The following RAB11FIP4 variants were observed in gnomAD, a reference collection of about 807,000 sequenced individuals.
RAB11FIP4 encodes the protein RAB11 family interacting protein 4.
In RAB11FIP4, 23 loss-of-function variants were observed where a neutral mutation model predicts 74.3. That is an observed-to-expected ratio of 0.31 (90% confidence interval 0.22 to 0.44). The LOEUF is 0.44. Among genes scored for constraint, RAB11FIP4 ranks in the 20% least tolerant of loss-of-function variants. RAB11FIP4 has a pLI of 1.00. For synonymous variants in RAB11FIP4, 360 were observed against 359.9 expected (o/e 1.00, Z 0.00); for missense variants, 630 against 863.9 (o/e 0.73, Z 3.39).
intron 3 of RAB11FIP4, among the ~76,000 whole-genome samples, chr17:31,496,629 T>C (rs1011571702): frequency 1.3e-5 from 2 of 152,250 alleles, no homozygotes; most frequent in Non-Finnish European, 2.9e-5. Context: ...TTCTGTAAAG[T>C]CTTCCCACAT....
rs2072616921 is a variant in RAB11FIP4, at chr17:31,519,104, T to C, written c.563+1227T>C. 4.5e-5 allele frequency among the ~76,000 whole-genome samples: 6 copies of C among 133,888 alleles called. No individual in the cohort carries two copies. In the South Asian group the frequency reaches 1.0e-3, roughly 23 times the overall value. 87.8% of individuals were successfully genotyped at this position (133,888 alleles called of 152,430 possible). ...ATCTCAGCTCACTGCAACCTCCACC[T>C]CCCGGGTTCATGCCATTCTCCTGCC... On this transcript the variant is annotated intron_variant, in intron 4 of 14. Coordinates refer to ENST00000621161, the MANE Select transcript of RAB11FIP4 (RefSeq NM_032932.6).
chr17:31,475,461 T>C (rs1567668391), intron 3 of RAB11FIP4, among the ~76,000 whole-genome samples: 1 of 152,250 alleles, frequency 6.6e-6, no homozygotes, highest in Non-Finnish European at 1.5e-5. Context: ...GAGCTGTTGC[T>C]ACGCTTAAGC....
rs1361352512 is a variant in RAB11FIP4 at position 31,505,599 on chromosome 17, TATA to T, written c.337-12043_337-12041del. On this transcript the variant is annotated intron_variant, in intron 3 of 14. Transcript: ENST00000621161. Reference sequence around the variant, plus strand: ...AATATATAATAATAATTATATATTATATAATAATAATTATATATAATATATAAT... The same window carrying T: ...AATATATAATAATAATTATATATTATATAATAATTATATATAATATATAAT... 2.8e-3 allele frequency among the ~76,000 whole-genome samples: 167 copies of T among 60,410 alleles called. 1 individual carries two copies. The highest frequency in any genetic ancestry group is 3.7e-3 in the Non-Finnish European group (132 of 35,650). The allele number at this position is 60,410 out of a possible 152,430, so 39.6% of individuals were successfully genotyped here. A position where few individuals can be genotyped will look rare whatever the true frequency, so the allele number is the denominator to read the frequency against.
intron 3 of RAB11FIP4, among the ~76,000 whole-genome samples, chr17:31,474,048 G>A (rs1381616401): frequency 6.6e-6 from 1 of 152,136 alleles, no homozygotes; most frequent in Non-Finnish European, 1.5e-5. Flanking sequence ...GGACTATCTT[G>A]GCTCCAGATG....
intron 3 of RAB11FIP4, among the ~76,000 whole-genome samples, chr17:31,516,470 T>A (rs1220817373): frequency 6.6e-6 from 1 of 152,118 alleles, no homozygotes; most frequent in African/African-American, 2.4e-5. Flanking sequence ...AACAGAGATT[T>A]ATTTTATTTT....
intron 1 of RAB11FIP4, among the ~76,000 whole-genome samples, chr17:31,403,274 G>A (rs1225266644): frequency 6.6e-6 from 1 of 151,886 alleles, no homozygotes; most frequent in African/African-American, 2.4e-5. Context: ...GAGACCCAAG[G>A]ACTCCAGGAC....
intron 1 of RAB11FIP4, among the ~76,000 whole-genome samples, chr17:31,414,741 A>G (rs1184961549): frequency 6.6e-6 from 1 of 152,232 alleles, no homozygotes; most frequent in Non-Finnish European, 1.5e-5. Context: ...AAAGCCGCAC[A>G]GGCCCTCTCC....
chr17:31,427,208 A>G (rs2071261468), intron 1 of RAB11FIP4, among the ~76,000 whole-genome samples: 1 of 152,110 alleles, frequency 6.6e-6, no homozygotes, highest in Non-Finnish European at 1.5e-5. Context: ...TGATCCACCT[A>G]CCTCAGCCTC....
intron 3 of RAB11FIP4, among the ~76,000 whole-genome samples, chr17:31,502,264 G>A (rs2072236766): frequency 6.6e-6 from 1 of 151,592 alleles, no homozygotes; most frequent in Non-Finnish European, 1.5e-5. Context: ...TGTAAGTTGA[G>A]GACCATCTGT....
intron 3 of RAB11FIP4, among the ~76,000 whole-genome samples, chr17:31,515,632 C>T (rs2072532232): frequency 1.3e-5 from 2 of 152,092 alleles, no homozygotes; most frequent in South Asian, 4.1e-4. Context: ...CAGCCTGTTT[C>T]TGTTGCCCTT....
In RAB11FIP4 at chr17:31,531,513, C is replaced by T. The variant is rs2072871176; in HGVS notation, c.1798-103C>T. The T allele has an allele frequency of 3.9e-6, 3 of 761,162 alleles. No homozygotes were observed. The African/African-American group carries it at 5.2e-5, about 13-fold the overall frequency. 47.2% of individuals were successfully genotyped at this position (761,162 alleles called of 1,614,324 possible). ...CACCTTGCCCAGGATCTCCTGATGCCCTCTATTGTCAGGCACTGGCCTGCG... is the reference window on the plus strand; with the variant it reads ...CACCTTGCCCAGGATCTCCTGATGCTCTCTATTGTCAGGCACTGGCCTGCG... On this transcript the variant is annotated intron_variant, in intron 14 of 14. Coordinates refer to ENST00000621161, the MANE Select transcript of RAB11FIP4 (RefSeq NM_032932.6).
At position 31,489,004 on chromosome 17, in the gene RAB11FIP4, T is replaced by C. The variant is rs537602057; in HGVS notation, c.337-28647T>C. On this transcript the variant is annotated intron_variant, in intron 3 of 14. Transcript: ENST00000621161. The stretch of plus-strand genomic sequence containing the variant: ...CATGCAAACTCTCCAGTGCCTTCTC[T>C]TTCCCTTTTCCCTCACCCTGCTCTC... Among the ~76,000 whole-genome samples the C allele has an allele frequency of 2.6e-5, 4 of 152,336 alleles. No individual in the cohort carries two copies. In the South Asian group the frequency reaches 6.2e-4, roughly 24 times the overall value.
At chr17:31,460,537 C>T (rs1363362506) in intron 3 of RAB11FIP4, among the ~76,000 whole-genome samples, 1 of 152,166 alleles carries the variant, frequency 6.6e-6, no homozygotes, top group Non-Finnish European at 1.5e-5. Flanking sequence ...GTGTTAGAGC[C>T]TGACAGCAAG....
chr17:31,463,802 A>ATTTTTTT (rs2071655772), intron 3 of RAB11FIP4, among the ~76,000 whole-genome samples: 4 of 14,192 alleles, frequency 2.8e-4, no homozygotes, highest in Non-Finnish European at 4.0e-4. Flanking sequence ...CTGCGCCTGG[A>ATTTTTTT]CTTTTTTTTT....
intron 3 of RAB11FIP4, among the ~76,000 whole-genome samples, chr17:31,485,348 C>T (rs527697340): frequency 3.3e-5 from 5 of 152,276 alleles, no homozygotes; most frequent in East Asian, 3.9e-4. Context: ...TGATACCACC[C>T]GTTCCATAGA....
chr17:31,422,943 G>A (rs934966390), intron 1 of RAB11FIP4, among the ~76,000 whole-genome samples: 7 of 138,802 alleles, frequency 5.0e-5, no homozygotes, highest in South Asian at 2.3e-4. Context: ...TTTTTGAGAC[G>A]GAGTCTCGCT....
chr17:31,469,631 C>CAAA (rs11414143), intron 3 of RAB11FIP4, among the ~76,000 whole-genome samples: 4 of 91,700 alleles, frequency 4.4e-5, no homozygotes, highest in African/African-American at 1.3e-4. Flanking sequence ...GACCCTCTCT[C>CAAA]AAAAAAAAAA....
At chr17:31,473,565 G>A (rs900521348) in intron 3 of RAB11FIP4, among the ~76,000 whole-genome samples, 1 of 152,134 alleles carries the variant, frequency 6.6e-6, no homozygotes, top group African/African-American at 2.4e-5. Context: ...GCAGCACCTG[G>A]AGGAAGACAG....
intron 3 of RAB11FIP4, among the ~76,000 whole-genome samples, chr17:31,436,560 G>T (rs994233617): frequency 1.3e-5 from 2 of 152,086 alleles, no homozygotes; most frequent in Non-Finnish European, 2.9e-5. Flanking sequence ...TGAGCAGGGG[G>T]TGCAGAAGAG....
Sources: gnomAD v4.1 joint callset for allele counts (sites outside exome capture counted in the v4.1 genomes callset) on GRCh38, gnomAD v4.1.1 for gene constraint, MANE v1.5 for transcripts, NCBI Gene and HGNC (gene_info 2026-07-23, HGNC 2026-07-21) for gene names.